KIF26B: variants seen among roughly 807,000 people sequenced by gnomAD.
The protein encoded by KIF26B is kinesin family member 26B.
KIF26B carries 63 observed loss-of-function variants against 151.2 expected under a neutral mutation model. The ratio of observed to expected loss-of-function variants is 0.42; its 90% CI spans 0.34 to 0.51. KIF26B has a LOEUF of 0.51. Among genes scored for constraint, KIF26B ranks in the 20% least tolerant of loss-of-function variants. The probability of loss-of-function intolerance (pLI) is 0.07; values close to 1 mark genes in which losing one functional copy is unlikely to be tolerated. For missense variants in KIF26B, 2,813 were observed against 2,913.6 expected (o/e 0.97, Z 0.79); for synonymous variants, 1,357 against 1,262.1 (o/e 1.08, Z -1.59).
chr1:245,695,140 G>T (rs1052172647), intron 12 of KIF26B, among the ~76,000 whole-genome samples: 3 of 152,212 alleles, frequency 2.0e-5, no homozygotes, highest in African/African-American at 7.2e-5. Context: ...GCATCTGCTT[G>T]AGAGGTGGAA....
chr1:245,311,205 C>T (rs894090885), intron 2 of KIF26B, among the ~76,000 whole-genome samples: 6 of 152,138 alleles, frequency 3.9e-5, no homozygotes, highest in Admixed American at 1.3e-4. Flanking sequence ...CCGCATCTCT[C>T]GGAGCTGACC....
intron 2 of KIF26B, among the ~76,000 whole-genome samples, chr1:245,357,401 T>C (rs953371942): frequency 1.3e-5 from 2 of 152,218 alleles, no homozygotes; most frequent in Admixed American, 1.3e-4. Context: ...CTAAGTGCTA[T>C]GAATGACTTA....
intron 7 of KIF26B, 23 bp downstream of exon 7, chr1:245,607,767 C>T (rs765966281): frequency 2.3e-5 from 36 of 1,586,608 alleles, no homozygotes; most frequent in Middle Eastern, 1.7e-4. Flanking sequence ...TTCACTTTCT[C>T]ATGCGGCTCG....
intron 2 of KIF26B, among the ~76,000 whole-genome samples, chr1:245,280,136 A>C (rs1671012628): frequency 6.6e-6 from 1 of 151,998 alleles, no homozygotes; most frequent in Non-Finnish European, 1.5e-5. Flanking sequence ...ATTTCAGCAG[A>C]AGTAGCCAGG....
At position 245,310,179 on chromosome 1, in the gene KIF26B, A is replaced by G. The variant is rs185446074; in HGVS notation, c.466-56655A>G. On this transcript the variant is annotated intron_variant, in intron 2 of 14. Transcript: ENST00000407071. ...TAAATATCTCTCTCTCACTATATGT[A>G]TATATATATATCCTATTAGTTCTGT... Among the ~76,000 whole-genome samples, 758 of 150,130 alleles carry G rather than the reference A, an allele frequency of 5.0e-3. 4 individuals carry two copies. The highest frequency in any genetic ancestry group is 5.3e-3 in the Non-Finnish European group (358 of 67,534).
intron 2 of KIF26B, among the ~76,000 whole-genome samples, chr1:245,171,530 T>C (rs1668709097): frequency 6.6e-6 from 1 of 151,824 alleles, no homozygotes; most frequent in South Asian, 2.1e-4. Context: ...GGCGACAGAG[T>C]GAGACTCCAT....
chr1:245,663,326 G>A (rs1403644562), intron 10 of KIF26B, among the ~76,000 whole-genome samples: 1 of 151,956 alleles, frequency 6.6e-6, no homozygotes, highest in Non-Finnish European at 1.5e-5. Context: ...CTTAAGGTTG[G>A]AGGGTAAATC....
At chr1:245,357,718 G>A (rs1201892794) in intron 2 of KIF26B, among the ~76,000 whole-genome samples, 3 of 152,144 alleles carry the variant, frequency 2.0e-5, no homozygotes, top group Non-Finnish European at 4.4e-5. Context: ...AAGTGAAGGT[G>A]CAGAGGCTGG....
Position 245,685,915 on chromosome 1 carries a change from G to A in KIF26B, c.2932G>A (p.Asp978Asn), listed in dbSNP as rs549183422. Residue 978 changes from aspartate (D) to asparagine (N), a missense_variant, in exon 12 of 15, where the codon GAT becomes AAT. Coordinates refer to ENST00000407071, the MANE Select transcript of KIF26B (RefSeq NM_018012.4). Reference protein sequence around the residue: ...AAGASPLSESDKEDNGSEGQL... With the variant: ...AAGASPLSESNKEDNGSEGQL... ...GGGGGCAAGCCCACTCTCTGAGTCT[G>A]ATAAGGAAGATAATGGGTCCGAAGG... 1 of 1,612,888 alleles carries A rather than the reference G, an allele frequency of 6.2e-7. No homozygotes were observed. Among genetic ancestry groups the A allele is most frequent in the African/African-American group, 1.3e-5 (1 of 75,040 alleles).
In KIF26B at chr1:245,698,998, C is replaced by G. The variant is rs1034613395; in HGVS notation, c.6139C>G (p.Gln2047Glu). ...WLMKELEATK[Q>E]YLMLDPNKWL... ...GATGAAGGAGCTGGAGGCGACCAAA[C>G]AGTATCTGATGCTGGATCCCAACAA... Residue 2047 changes from glutamine (Q) to glutamate (E), a missense_variant, in exon 14 of 15, where the codon CAG becomes GAG. By Grantham distance (29) the Gln-to-Glu change is conservative (BLOSUM62 2). Coordinates refer to ENST00000407071, the MANE Select transcript of KIF26B (RefSeq NM_018012.4). This position sits in a 1 kb window ranked among gnomAD's most constrained non-coding sequence, Gnocchi z 4.0. 6.2e-7 allele frequency: 1 copy of G among 1,614,028 alleles called. No homozygotes were observed. Among genetic ancestry groups the G allele is most frequent in the Non-Finnish European group, 8.5e-7 (1 of 1,179,898 alleles).
chr1:245,241,191 G>T lies in KIF26B; in HGVS notation c.465+84508G>T, dbSNP rs1670205843. Among the ~76,000 whole-genome samples the T allele has an allele frequency of 6.6e-6, 1 of 152,210 alleles. No homozygotes were observed. Among genetic ancestry groups the T allele is most frequent in the Non-Finnish European group, 1.5e-5 (1 of 68,036 alleles). ...GAGTGCAGCTCTGAAGGATTTAGAG[G>T]TGTCATTCCCAGAGATTAGCAGGGA... On this transcript the variant is annotated intron_variant, in intron 2 of 14. Transcript: ENST00000407071. The surrounding 1 kb of genome is among the most constrained non-coding windows in gnomAD (Gnocchi z 5.0).
intron 5 of KIF26B, among the ~76,000 whole-genome samples, chr1:245,584,634 T>C (rs1335802473): frequency 2.0e-5 from 3 of 152,170 alleles, no homozygotes; most frequent in Non-Finnish European, 4.4e-5. Flanking sequence ...GAATTGTTTA[T>C]TTGAGGAAAG....
At chr1:245,651,290 A>G (rs2044013124) in intron 10 of KIF26B, among the ~76,000 whole-genome samples, 2 of 152,216 alleles carry the variant, frequency 1.3e-5, no homozygotes. Flanking sequence ...AAAGGAAATG[A>G]CACTTCATAA....
chr1:245,596,655 A>C (rs1460180016), intron 5 of KIF26B, among the ~76,000 whole-genome samples: 1 of 152,088 alleles, frequency 6.6e-6, no homozygotes, highest in African/African-American at 2.4e-5. Context: ...TTTTAGGTTC[A>C]CTCAGTCCTG....
At chr1:245,404,749 C>T (rs1183939735) in intron 3 of KIF26B, among the ~76,000 whole-genome samples, 1 of 152,214 alleles carries the variant, frequency 6.6e-6, no homozygotes, top group Non-Finnish European at 1.5e-5. Context: ...TGGTACAATT[C>T]TCTGGTGTCA....
intron 3 of KIF26B, among the ~76,000 whole-genome samples, chr1:245,402,684 G>A (rs1330881816): frequency 2.6e-5 from 4 of 152,114 alleles, no homozygotes; most frequent in African/African-American, 4.8e-5. Flanking sequence ...AAAAGACATA[G>A]GATTGTTATA....
At chr1:245,586,597 A>G (rs781694799) in intron 5 of KIF26B, among the ~76,000 whole-genome samples, 1 of 152,118 alleles carries the variant, frequency 6.6e-6, no homozygotes, top group Admixed American at 6.5e-5. Context: ...GTCAAACATC[A>G]AACAGGCCGG....
chr1:245,322,139 G>A (rs113993915), intron 2 of KIF26B, among the ~76,000 whole-genome samples: 8 of 152,172 alleles, frequency 5.3e-5, no homozygotes, highest in East Asian at 3.9e-4. Context: ...ACCAAACACC[G>A]CATGTTCTCG....
chr1:245,325,232 A>G (rs1204879472), intron 2 of KIF26B, among the ~76,000 whole-genome samples: 1 of 152,160 alleles, frequency 6.6e-6, no homozygotes, highest in Non-Finnish European at 1.5e-5. Flanking sequence ...ATTAAGTTGA[A>G]CCATATGAAA....
Sources: allele counts gnomAD v4.1 joint callset (sites outside exome capture counted in the v4.1 genomes callset), GRCh38; gene constraint gnomAD v4.1.1; non-coding constraint Gnocchi (gnomAD v3.1); transcripts MANE v1.5; gene names NCBI Gene and HGNC (gene_info 2026-07-23, HGNC 2026-07-21).